PTPRD: variants seen among roughly 807,000 people sequenced by gnomAD.
PTPRD encodes receptor-type tyrosine-protein phosphatase delta.
Under a neutral mutation model 214.5 loss-of-function variants are expected in PTPRD, and 34 were observed. The observed-to-expected ratio is 0.16, with a 90% CI of 0.12 to 0.21. The LOEUF (loss-of-function observed/expected upper bound fraction) is 0.21, where lower values mean the gene tolerates loss of function less well. PTPRD is among the 10% of genes least tolerant of loss of function. The pLI, the probability that PTPRD is intolerant of heterozygous loss-of-function variation, is 1.00. For synonymous variants in PTPRD, 1,128 were observed against 845.7 expected (o/e 1.33, Z -5.79); for missense variants, 2,545 against 2,398.7 (o/e 1.06, Z -1.27).
At chr9:9,256,047 T>C (rs2099977566) in intron 9 of PTPRD, among the ~76,000 whole-genome samples, 2 of 151,994 alleles carry the variant, frequency 1.3e-5, no homozygotes, top group Admixed American at 1.3e-4. Flanking sequence ...AACTTTAGAA[T>C]AGCAAGACAT....
At chr9:8,965,266 G>A (rs1189746243) in intron 11 of PTPRD, among the ~76,000 whole-genome samples, 1 of 151,886 alleles carries the variant, frequency 6.6e-6, no homozygotes, top group African/African-American at 2.4e-5. Context: ...GCCTATCTCA[G>A]CTACTAGGGA....
At chr9:9,647,031 T>C (rs2096207892) in intron 7 of PTPRD, among the ~76,000 whole-genome samples, 1 of 152,188 alleles carries the variant, frequency 6.6e-6, no homozygotes, top group Non-Finnish European at 1.5e-5. Flanking sequence ...TACCCTCTCA[T>C]AATTTCCATC....
chr9:9,727,760 T>C (rs933728154), intron 7 of PTPRD, among the ~76,000 whole-genome samples: 1 of 152,202 alleles, frequency 6.6e-6, no homozygotes, highest in African/African-American at 2.4e-5. Context: ...AATGCTATCC[T>C]GATGGTGAAA....
intron 2 of PTPRD, among the ~76,000 whole-genome samples, chr9:10,542,281 T>C (rs1265494073): frequency 2.0e-5 from 3 of 152,162 alleles, no homozygotes; most frequent in Non-Finnish European, 2.9e-5. Flanking sequence ...GAATTTTTTA[T>C]AAGTTCACTG....
At chr9:8,535,916 C>G (rs911888790) in intron 14 of PTPRD, among the ~76,000 whole-genome samples, 4 of 151,806 alleles carry the variant, frequency 2.6e-5, no homozygotes, top group South Asian at 2.1e-4. Context: ...CCACCTTTAA[C>G]AGAATGGAAT....
chr9:10,611,088 C>A (rs2080850827), intron 2 of PTPRD, among the ~76,000 whole-genome samples: 1 of 152,142 alleles, frequency 6.6e-6, no homozygotes, highest in South Asian at 2.1e-4. Flanking sequence ...GAGATAAGTA[C>A]TTTTACTTTT....
At chr9:10,358,473 A>G (rs117092714) in intron 2 of PTPRD, among the ~76,000 whole-genome samples, 1 of 152,024 alleles carries the variant, frequency 6.6e-6, no homozygotes, top group Non-Finnish European at 1.5e-5. Context: ...ATTAGACAGT[A>G]TATTTACTTT....
Position 10,438,641 on chromosome 9 carries a change from C to T in PTPRD, c.-599-97624G>A, listed in dbSNP as rs146134750. On this transcript the variant is annotated intron_variant, in intron 2 of 45. Transcript: ENST00000381196. ...GTTATTATCTCTATTTATATAATTC[C>T]TATTTCAGCAGTATATGTGGATCTC... 7.6e-3 allele frequency among the ~76,000 whole-genome samples: 1,158 copies of T among 151,578 alleles called. 29 individuals are homozygous for T. The highest frequency in any genetic ancestry group is 0.048 in the Admixed American group (728 of 15,160).
At position 8,374,415 on chromosome 9, in the gene PTPRD, A is replaced by G. The variant is rs1445085658; in HGVS notation, c.4661+1521T>C. ...AAAACCAAAAGGCAGGAGAACCAGA[A>G]GTCTACTTTCATGATGTAAAACCAC... is the stretch of plus-strand genomic sequence containing the variant. On this transcript the variant is annotated intron_variant, in intron 39 of 45. Coordinates refer to ENST00000381196, the MANE Select transcript of PTPRD (RefSeq NM_002839.4). Among the ~76,000 whole-genome samples the G allele has an allele frequency of 2.6e-5, 4 of 152,026 alleles. No individual in the cohort carries two copies. The East Asian group carries it at 7.7e-4, about 29-fold the overall frequency.
At chr9:9,447,937 A>G (rs1237745126) in intron 8 of PTPRD, among the ~76,000 whole-genome samples, 1 of 152,138 alleles carries the variant, frequency 6.6e-6, no homozygotes, top group Non-Finnish European at 1.5e-5. Context: ...GGAGATGCTC[A>G]GAAGCCAGGC....
Position 8,464,962 on chromosome 9 carries a change from C to T in PTPRD, c.3714+504G>A, listed in dbSNP as rs559782762. Among the ~76,000 whole-genome samples, 4 of 151,996 alleles carry T rather than the reference C, an allele frequency of 2.6e-5. No homozygotes were observed. In the South Asian group the frequency reaches 8.3e-4, roughly 31 times the overall value. The stretch of plus-strand genomic sequence containing the variant: ...TGAATCCGGGTAGAGGCACTGTGGT[C>T]TCACTTGGCAGATATAGGAGAATAA... On this transcript the variant is annotated intron_variant, in intron 32 of 45. Coordinates refer to ENST00000381196, the MANE Select transcript of PTPRD (RefSeq NM_002839.4).
At chr9:10,250,685 A>G (rs531376751) in intron 3 of PTPRD, among the ~76,000 whole-genome samples, 17 of 152,182 alleles carry the variant, frequency 1.1e-4, no homozygotes, top group Middle Eastern at 3.4e-3. Flanking sequence ...TTATCACTTC[A>G]ATTCTGGAAC....
chr9:10,515,015 G>C (rs989487743), intron 2 of PTPRD, among the ~76,000 whole-genome samples: 4 of 151,972 alleles, frequency 2.6e-5, no homozygotes, highest in African/African-American at 7.2e-5. Context: ...GAGATTGTTA[G>C]TACTTAAAAA....
intron 5 of PTPRD, among the ~76,000 whole-genome samples, chr9:9,847,730 A>C (rs1185504915): frequency 6.6e-6 from 1 of 152,026 alleles, no homozygotes; most frequent in Non-Finnish European, 1.5e-5. Context: ...TAATTATCCC[A>C]GACTTACCAG....
At chr9:9,187,682 A>C (rs2131672279) in intron 9 of PTPRD, among the ~76,000 whole-genome samples, 1 of 152,104 alleles carries the variant, frequency 6.6e-6, no homozygotes, top group Non-Finnish European at 1.5e-5. Flanking sequence ...GAGCTGTGTT[A>C]ATAACAACAA....
chr9:8,356,634 A>G (rs925405513), intron 39 of PTPRD, among the ~76,000 whole-genome samples: 4 of 152,216 alleles, frequency 2.6e-5, no homozygotes, highest in African/African-American at 9.6e-5. Context: ...GCAGATGTCT[A>G]GATTCCTTTC....
intron 35 of PTPRD, among the ~76,000 whole-genome samples, chr9:8,434,609 T>G (rs2095265004): frequency 6.6e-6 from 1 of 152,186 alleles, no homozygotes; most frequent in African/African-American, 2.4e-5. Context: ...TTTCCGTAAT[T>G]TGTAACCCAT....
chr9:10,278,137 CAG>C (rs2094836793), intron 3 of PTPRD, among the ~76,000 whole-genome samples: 1 of 141,434 alleles, frequency 7.1e-6, no homozygotes, highest in Admixed American at 7.2e-5. Context: ...GCCTGGGCGA[CAG>C]AGCGAGACTC....
At chr9:10,236,974 G>A (rs928989743) in intron 3 of PTPRD, among the ~76,000 whole-genome samples, 22 of 151,824 alleles carry the variant, frequency 1.4e-4, no homozygotes, top group African/African-American at 5.1e-4. Flanking sequence ...AATTTTTAGA[G>A]CAGTGAGAAT....
Sources: allele counts gnomAD v4.1 joint callset (sites outside exome capture counted in the v4.1 genomes callset), GRCh38; gene constraint gnomAD v4.1.1; transcripts MANE v1.5; gene names NCBI Gene and HGNC (gene_info 2026-07-23, HGNC 2026-07-21).